Variants in THSD7A observed in about 807,000 individuals in gnomAD.
THSD7A encodes thrombospondin type-1 domain-containing protein 7A.
THSD7A carries 96 observed loss-of-function variants against 231.3 expected under a neutral mutation model. The observed-to-expected ratio is 0.41, with a 90% CI of 0.35 to 0.49. The LOEUF (loss-of-function observed/expected upper bound fraction) is 0.49, where lower values mean the gene tolerates loss of function less well. Among genes scored for constraint, THSD7A ranks in the 20% least tolerant of loss-of-function variants. The pLI, the probability that THSD7A is intolerant of heterozygous loss-of-function variation, is 0.05. For missense variants in THSD7A, 2,290 were observed against 2,070.2 expected (o/e 1.11, Z -2.06); for synonymous variants, 940 against 743.3 (o/e 1.26, Z -4.30).
chr7:11,543,626 G>A (rs1284111075), intron 4 of THSD7A, among the ~76,000 whole-genome samples: 3 of 152,152 alleles, frequency 2.0e-5, no homozygotes, highest in South Asian at 2.1e-4. Flanking sequence ...GATCTCAAAT[G>A]GGGGCTACTC....
intron 1 of THSD7A, among the ~76,000 whole-genome samples, chr7:11,659,725 G>C (rs1782854071): frequency 6.6e-6 from 1 of 151,486 alleles, no homozygotes; most frequent in Admixed American, 6.6e-5. Context: ...TAATGAATGA[G>C]TTAAATGAAT....
chr7:11,645,118 A>G (rs1782230849), intron 1 of THSD7A, among the ~76,000 whole-genome samples: 1 of 151,764 alleles, frequency 6.6e-6, no homozygotes, highest in African/African-American at 2.4e-5. Context: ...GGTTATTATA[A>G]TATTTTCTTT....
chr7:11,388,279 C>T (rs1782842283), intron 23 of THSD7A, among the ~76,000 whole-genome samples: 1 of 152,004 alleles, frequency 6.6e-6, no homozygotes, highest in Non-Finnish European at 1.5e-5. Context: ...GTACCAGCTT[C>T]TCTTCGTACC....
chr7:11,394,185 G>C (rs574294627), intron 23 of THSD7A, among the ~76,000 whole-genome samples: 5 of 152,280 alleles, frequency 3.3e-5, no homozygotes, highest in African/African-American at 9.6e-5. Context: ...GAAATCCTAC[G>C]AGCCAGAAGA....
At chr7:11,477,769 C>G (rs961303271) in intron 7 of THSD7A, among the ~76,000 whole-genome samples, 2 of 152,060 alleles carry the variant, frequency 1.3e-5, no homozygotes, top group African/African-American at 4.8e-5. Context: ...TCCCTTGTTC[C>G]TTTTGTTAGA....
At chr7:11,426,189 C>T (rs1239877046) in intron 15 of THSD7A, among the ~76,000 whole-genome samples, 1 of 151,982 alleles carries the variant, frequency 6.6e-6, no homozygotes, top group Admixed American at 6.6e-5. Flanking sequence ...AAAACATTAC[C>T]CTACAACTTG....
At chr7:11,388,916 T>C (rs1782870870) in intron 23 of THSD7A, among the ~76,000 whole-genome samples, 1 of 152,164 alleles carries the variant, frequency 6.6e-6, no homozygotes, top group East Asian at 1.9e-4. Flanking sequence ...TTGTGCAGTT[T>C]TGAGTGAGTT....
chr7:11,636,605 G>A lies in THSD7A; in HGVS notation c.547C>T (p.Leu183=). The A allele has an allele frequency of 2.5e-6, 4 of 1,614,034 alleles. No homozygotes were observed. The highest frequency in any genetic ancestry group is 3.4e-6 in the Non-Finnish European group (4 of 1,179,912). Residue 183 remains leucine, a synonymous_variant, in exon 2 of 28, where the codon CTG becomes TTG. Transcript: ENST00000423059. This position sits in a 1 kb window ranked among gnomAD's most constrained non-coding sequence, Gnocchi z 10.0. ...ICEYFEPKPL[L]EQACLIPCQQ... is the part of the protein sequence containing the mutation. ...CAAGGAATGAGGCAAGCCTGCTCCA[G>A]GAGAGGCTTGGGCTCAAAGTACTCA...
At chr7:11,594,931 C>G (rs374705284) in intron 2 of THSD7A, among the ~76,000 whole-genome samples, 1 of 152,154 alleles carries the variant, frequency 6.6e-6, no homozygotes, top group Non-Finnish European at 1.5e-5. Context: ...GGAATGCAGA[C>G]GTGTGGGGGG....
At chr7:11,811,906 G>A (rs1784537109) in intron 1 of THSD7A, among the ~76,000 whole-genome samples, 1 of 152,102 alleles carries the variant, frequency 6.6e-6, no homozygotes, top group African/African-American at 2.4e-5. Context: ...TTGATAATAT[G>A]CCTATTCATG....
intron 11 of THSD7A, among the ~76,000 whole-genome samples, chr7:11,449,717 T>C (rs1583763606): frequency 1.3e-5 from 2 of 152,006 alleles, no homozygotes; most frequent in African/African-American, 2.4e-5. Flanking sequence ...TGCTATGATT[T>C]TGAAGTTCTT....
chr7:11,453,546 T>A (rs771094278), intron 11 of THSD7A, among the ~76,000 whole-genome samples: 1 of 152,016 alleles, frequency 6.6e-6, no homozygotes, highest in Non-Finnish European at 1.5e-5. Flanking sequence ...TTACAACAGA[T>A]GTTCCTTGGC....
chr7:11,654,590 TC>T (rs1200408648), intron 1 of THSD7A, among the ~76,000 whole-genome samples: 2 of 151,976 alleles, frequency 1.3e-5, no homozygotes, highest in Non-Finnish European at 2.9e-5. Context: ...GATATAAATT[TC>T]TCCTTCGATA....
chr7:11,799,700 T>C (rs905614286), intron 1 of THSD7A, among the ~76,000 whole-genome samples: 1 of 152,210 alleles, frequency 6.6e-6, no homozygotes, highest in African/African-American at 2.4e-5. Context: ...TTTTCTCTCA[T>C]ACTAATAGTT....
At chr7:11,583,485 A>G (rs762025275) in intron 4 of THSD7A, among the ~76,000 whole-genome samples, 3 of 152,114 alleles carry the variant, frequency 2.0e-5, no homozygotes, top group Admixed American at 6.6e-5. Context: ...CATGTTGCAC[A>G]GTCTGGTCTC....
intron 13 of THSD7A, among the ~76,000 whole-genome samples, chr7:11,434,834 G>C (rs965185287): frequency 1.3e-5 from 2 of 151,760 alleles, no homozygotes; most frequent in African/African-American, 4.8e-5. Flanking sequence ...TTAAAAACTG[G>C]TGATCTGATA....
chr7:11,705,297 T>A (rs894733506), intron 1 of THSD7A, among the ~76,000 whole-genome samples: 1 of 150,852 alleles, frequency 6.6e-6, no homozygotes, highest in Non-Finnish European at 1.5e-5. Flanking sequence ...AAAGCAAGAG[T>A]AAGTTACCTA....
At chr7:11,509,690 C>T (rs1787710911) in intron 6 of THSD7A, among the ~76,000 whole-genome samples, 1 of 150,660 alleles carries the variant, frequency 6.6e-6, no homozygotes, top group Non-Finnish European at 1.5e-5. Flanking sequence ...GGCGCAGTGG[C>T]GGGTGCCTGT....
intron 1 of THSD7A, among the ~76,000 whole-genome samples, chr7:11,819,334 C>G (rs559573597): frequency 6.6e-6 from 1 of 152,074 alleles, no homozygotes; most frequent in Non-Finnish European, 1.5e-5. Flanking sequence ...TTGGTATTTA[C>G]GCAAATGAAC....
Sources: allele counts gnomAD v4.1 joint callset (sites outside exome capture counted in the v4.1 genomes callset), GRCh38; gene constraint gnomAD v4.1.1; non-coding constraint Gnocchi (gnomAD v3.1); transcripts MANE v1.5; gene names NCBI Gene and HGNC (gene_info 2026-07-23, HGNC 2026-07-21).